Variants in IP6K1 observed in about 807,000 individuals in gnomAD.
IP6K1 encodes ATP:1D-myo-inositol-hexakisphosphate phosphotransferase.
A neutral mutation model predicts 38.3 loss-of-function variants in IP6K1; 13 were observed. The ratio of observed to expected loss-of-function variants is 0.34; its 90% confidence interval spans 0.22 to 0.54. The LOEUF (loss-of-function observed/expected upper bound fraction) is 0.54, where lower values mean the gene tolerates loss of function less well. Ranked by LOEUF, IP6K1 falls within the 20% of genes least tolerant of loss-of-function variation. The pLI, the probability that IP6K1 is intolerant of heterozygous loss-of-function variation, is 0.92. For synonymous variants in IP6K1, 212 were observed against 229.9 expected, an observed-to-expected ratio of 0.92 and a Z score of 0.70; for missense variants, 397 against 599.8, an observed-to-expected ratio of 0.66 and a Z score of 3.53.
At chr3:49,771,422 A>T (rs2080959237) in intron 1 of IP6K1, among the ~76,000 whole-genome samples, 1 of 152,206 alleles carries the variant, frequency 6.6e-6, no homozygotes, top group Non-Finnish European at 1.5e-5. Flanking sequence ...ACGAAGATAC[A>T]CAAAGACCAT....
chr3:49,730,331 C>T (rs2080552023), intron 4 of IP6K1, among the ~76,000 whole-genome samples: 1 of 152,130 alleles, frequency 6.6e-6, no homozygotes. Context: ...GCCACCACAC[C>T]CAGCCTATGT....
intron 2 of IP6K1, among the ~76,000 whole-genome samples, chr3:49,741,725 C>G (rs1300394020): frequency 6.6e-6 from 1 of 152,138 alleles, no homozygotes; most frequent in Non-Finnish European, 1.5e-5. Flanking sequence ...ATAAATATGC[C>G]AAAGCCAGAA....
At chr3:49,742,405 C>T (rs534461826) in intron 2 of IP6K1, among the ~76,000 whole-genome samples, 2 of 151,976 alleles carry the variant, frequency 1.3e-5, no homozygotes, top group Non-Finnish European at 2.9e-5. Flanking sequence ...AAAAATTAGC[C>T]GGGCGTGGTG....
chr3:49,740,228 C>CTTTT (rs71080547), intron 2 of IP6K1, among the ~76,000 whole-genome samples: 6 of 76,466 alleles, frequency 7.8e-5, no homozygotes, highest in Non-Finnish European at 7.6e-5. Flanking sequence ...ATTTGCAATT[C>CTTTT]TTTTTTTTTT....
intron 1 of IP6K1, among the ~76,000 whole-genome samples, chr3:49,769,451 A>G (rs571943748): frequency 3.9e-5 from 6 of 152,346 alleles, no homozygotes; most frequent in Admixed American, 3.9e-4. Context: ...AAACAGGCCC[A>G]TATCTACAGA....
intron 2 of IP6K1, among the ~76,000 whole-genome samples, chr3:49,740,566 C>T (rs1303532748): frequency 1.3e-5 from 2 of 152,126 alleles, no homozygotes; most frequent in African/African-American, 4.8e-5. Flanking sequence ...TACAGATTTG[C>T]CTATTATGCA....
chr3:49,777,938 G>A (rs1305327461), intron 1 of IP6K1, among the ~76,000 whole-genome samples: 3 of 151,912 alleles, frequency 2.0e-5, no homozygotes, highest in Non-Finnish European at 4.4e-5. Flanking sequence ...AAAAAACAAT[G>A]ATAAAGCATA....
chr3:49,782,875 C>G (rs934670741), intron 1 of IP6K1, among the ~76,000 whole-genome samples: 4 of 148,772 alleles, frequency 2.7e-5, no homozygotes, highest in Admixed American at 6.7e-5. Flanking sequence ...TTTGGGAGGC[C>G]AAGGTGGGTG....
At chr3:49,750,470 G>T (rs888889294) in intron 1 of IP6K1, among the ~76,000 whole-genome samples, 2 of 152,066 alleles carry the variant, frequency 1.3e-5, no homozygotes, top group African/African-American at 4.8e-5. Context: ...CGAGGCGGAC[G>T]GATCACCTGA....
intron 4 of IP6K1, among the ~76,000 whole-genome samples, chr3:49,731,567 T>TC (rs1374694274): frequency 1.3e-5 from 2 of 152,174 alleles, no homozygotes; most frequent in African/African-American, 4.8e-5. Context: ...CCCCTGTGCT[T>TC]CCACTTCCTC....
chr3:49,777,005 T>C (rs531655934), intron 1 of IP6K1, among the ~76,000 whole-genome samples: 19 of 151,832 alleles, frequency 1.3e-4, no homozygotes, highest in African/African-American at 4.3e-4. Flanking sequence ...GAGGCCAAGG[T>C]GGATGGATCA....
intron 1 of IP6K1, among the ~76,000 whole-genome samples, chr3:49,770,186 T>C (rs886800230): frequency 6.6e-6 from 1 of 152,154 alleles, no homozygotes; most frequent in Non-Finnish European, 1.5e-5. Context: ...CACTTCTGAA[T>C]TCCTAGCCCT....
At chr3:49,749,205 C>T (rs1174639983) in intron 1 of IP6K1, among the ~76,000 whole-genome samples, 1 of 152,158 alleles carries the variant, frequency 6.6e-6, no homozygotes, top group Admixed American at 6.6e-5. Flanking sequence ...CCCAGGGACC[C>T]CTGCTATAGG....
At chr3:49,728,888 C>T (rs1049529797) in intron 4 of IP6K1, among the ~76,000 whole-genome samples, 1 of 151,806 alleles carries the variant, frequency 6.6e-6, no homozygotes, top group African/African-American at 2.4e-5. Context: ...ACTTTTTCAT[C>T]TTCCCAAAAT....
In IP6K1 at chr3:49,747,914, C is replaced by G; in HGVS notation, c.127G>C (p.Asp43His). Residue 43 changes from aspartate (D) to histidine (H), a missense_variant, in exon 2 of 6, where the codon GAC (aspartate) becomes CAC (histidine). Physicochemically the swap from Asp to His is moderately conservative, Grantham distance 81. Around this residue, in one of 3 missense-constraint regions of IP6K1, gnomAD observed 171 missense variants for 237.0 expected, o/e 0.72. Coordinates refer to ENST00000321599, the MANE Select transcript of IP6K1 (RefSeq NM_153273.4). ...VGGHSSMMRY[D>H]DHTVCKPLIS... ...AGGGGCTTGCACACAGTGTGATCGT[C>G]GTAACGCATCATGCTGCTGTGTCCG... 6.2e-7 allele frequency: 1 copy of G among 1,614,186 alleles called. No individual in the cohort carries two copies.
intron 1 of IP6K1, among the ~76,000 whole-genome samples, chr3:49,755,762 A>G (rs2108244378): frequency 6.6e-6 from 1 of 152,350 alleles, no homozygotes; most frequent in Non-Finnish European, 1.5e-5. Context: ...ACCTTCAAGA[A>G]TCACAGACAA....
intron 1 of IP6K1, among the ~76,000 whole-genome samples, chr3:49,783,886 C>T (rs2081089277): frequency 6.6e-6 from 1 of 152,192 alleles, no homozygotes; most frequent in Non-Finnish European, 1.5e-5. Flanking sequence ...CCTTGCCTCA[C>T]AAGTGCAGTA....
intron 2 of IP6K1, among the ~76,000 whole-genome samples, chr3:49,747,022 T>C (rs1444145890): frequency 6.6e-6 from 1 of 152,198 alleles, no homozygotes; most frequent in Non-Finnish European, 1.5e-5. Context: ...TTATACACTT[T>C]AAAATGGTGA....
chr3:49,783,283 G>A (rs978948055), intron 1 of IP6K1, among the ~76,000 whole-genome samples: 1 of 152,026 alleles, frequency 6.6e-6, no homozygotes, highest in Non-Finnish European at 1.5e-5. Context: ...GACAGCCAGT[G>A]TGGTGTCTCA....
Sources: gnomAD v4.1 joint callset for allele counts (sites outside exome capture counted in the v4.1 genomes callset) on GRCh38, gnomAD v4.1.1 for gene constraint, gnomAD v4.1.1 regional missense constraint, MANE v1.5 for transcripts, NCBI Gene and HGNC (gene_info 2026-07-23, HGNC 2026-07-21) for gene names.